Variants in PEBP4 observed in about 807,000 individuals in gnomAD.
PEBP4 encodes the protein phosphatidylethanolamine binding protein 4, also known as phosphatidylethanolamine-binding protein 4.
PEBP4 carries 22 observed loss-of-function variants against 23.9 expected under a neutral mutation model. The observed-to-expected ratio is 0.92, with a 90% confidence interval of 0.66 to 1.31. PEBP4 has a LOEUF of 1.31. Ranked by LOEUF, PEBP4 falls within the 40% of genes most tolerant of loss-of-function variation. PEBP4 has a pLI of 0.00. For missense variants in PEBP4, 324 were observed against 281.7 expected (o/e 1.15, Z -1.07); for synonymous variants, 112 against 99.3 (o/e 1.13, Z -0.76).
At chr8:22,867,277 G>T (rs1807923973) in intron 3 of PEBP4, among the ~76,000 whole-genome samples, 1 of 152,232 alleles carries the variant, frequency 6.6e-6, no homozygotes. Flanking sequence ...ATTTGGGTCA[G>T]AAGGTGCCAA....
chr8:22,733,136 G>T (rs796605189), intron 4 of PEBP4, among the ~76,000 whole-genome samples: 14 of 152,316 alleles, frequency 9.2e-5, no homozygotes, highest in African/African-American at 3.4e-4. Context: ...CCCATTCAGA[G>T]GAAGGGCAGA....
At chr8:22,936,374 T>TTC (rs1809540923) in intron 1 of PEBP4, among the ~76,000 whole-genome samples, 1 of 151,904 alleles carries the variant, frequency 6.6e-6, no homozygotes, top group Non-Finnish European at 1.5e-5. Context: ...GACAAATTCC[T>TTC]GGAAACATAA....
At chr8:22,925,441 G>A (rs1809306243) in intron 2 of PEBP4, 5 of 571,318 alleles carry the variant, frequency 8.8e-6, no homozygotes, top group Non-Finnish European at 1.1e-5. Flanking sequence ...TAAACACTGT[G>A]GGCAGATTTC....
At chr8:22,832,721 T>A (rs1250595596) in intron 3 of PEBP4, among the ~76,000 whole-genome samples, 2 of 152,196 alleles carry the variant, frequency 1.3e-5, no homozygotes, top group Non-Finnish European at 2.9e-5. Flanking sequence ...CTAGAAGCAC[T>A]GGCAAGGTGG....
chr8:22,838,002 A>C (rs1286277683), intron 3 of PEBP4, among the ~76,000 whole-genome samples: 2 of 148,100 alleles, frequency 1.4e-5, no homozygotes, highest in Non-Finnish European at 3.0e-5. Context: ...GGGCTCAAGC[A>C]ATCTTCCAAC....
At chr8:22,737,910 G>A (rs981170828) in intron 4 of PEBP4, among the ~76,000 whole-genome samples, 2 of 152,114 alleles carry the variant, frequency 1.3e-5, no homozygotes, top group African/African-American at 4.8e-5. Flanking sequence ...CTGAGCTCCC[G>A]GCGGGACCCT....
At chr8:22,757,782 A>G (rs1805421089) in intron 4 of PEBP4, 1 of 152,200 alleles carries the variant, frequency 6.6e-6, no homozygotes, top group Non-Finnish European at 1.5e-5. Flanking sequence ...GAAATCCGAG[A>G]TGCATATAAA....
intron 2 of PEBP4, chr8:22,925,145 C>T (rs1207116148): frequency 1.0e-6 from 1 of 985,266 alleles, no homozygotes; most frequent in Non-Finnish European, 1.2e-6. Context: ...ATGATGCTCT[C>T]TTCCAAACAA....
At chr8:22,875,522 A>C (rs980792273) in intron 3 of PEBP4, among the ~76,000 whole-genome samples, 9 of 151,072 alleles carry the variant, frequency 6.0e-5, no homozygotes, top group Non-Finnish European at 1.2e-4. Context: ...TCTGAGCCCC[A>C]CTCCTTTTTA....
rs1206085493 is a variant in PEBP4 at position 22,795,143 on chromosome 8, GTA to G, written c.357+22492_357+22493del. The stretch of plus-strand genomic sequence containing the variant: ...TATGTGTGTATATATATGTGTGTGT[GTA>G]TATATATATATATATATATTTTTTT... On this transcript the variant is annotated intron_variant, in intron 4 of 6. Coordinates refer to ENST00000256404, the MANE Select transcript of PEBP4 (RefSeq NM_144962.3). 8.3e-3 allele frequency among the ~76,000 whole-genome samples: 412 copies of G among 49,910 alleles called. 2 individuals are homozygous for G. Among genetic ancestry groups the G allele is most frequent in the Middle Eastern group, 0.021 (2 of 96 alleles). 32.7% of individuals were successfully genotyped at this position (49,910 alleles called of 152,430 possible).
At chr8:22,803,709 G>A (rs1005020980) in intron 4 of PEBP4, among the ~76,000 whole-genome samples, 7 of 152,248 alleles carry the variant, frequency 4.6e-5, no homozygotes, top group African/African-American at 1.7e-4. Flanking sequence ...GCATCTCTGA[G>A]TGAACATGTC....
chr8:22,919,920 A>AGAGCAGGG (rs1809163192), intron 3 of PEBP4, among the ~76,000 whole-genome samples: 1 of 152,216 alleles, frequency 6.6e-6, no homozygotes. Flanking sequence ...AGGAGCTCCC[A>AGAGCAGGG]GAGCAGGGGA....
intron 3 of PEBP4, among the ~76,000 whole-genome samples, chr8:22,902,782 A>G (rs1808736853): frequency 6.6e-6 from 1 of 152,226 alleles, no homozygotes; most frequent in Admixed American, 6.5e-5. Flanking sequence ...GCTACAAAAA[A>G]GATCAAGGGA....
At chr8:22,894,430 A>T (rs1380947882) in intron 3 of PEBP4, among the ~76,000 whole-genome samples, 2 of 151,984 alleles carry the variant, frequency 1.3e-5, no homozygotes, top group Non-Finnish European at 2.9e-5. Context: ...AATAAATAAA[A>T]AAAATTCCAA....
At chr8:22,715,932 TG>T (rs1387954674) in intron 6 of PEBP4, among the ~76,000 whole-genome samples, 1 of 152,136 alleles carries the variant, frequency 6.6e-6, no homozygotes, top group Admixed American at 6.5e-5. Flanking sequence ...AGCCCCTTCC[TG>T]TATGGCACTG....
rs1452590575 is a variant in PEBP4, at chr8:22,841,325, G to T, written c.259-23590C>A. Reference sequence around the variant, plus strand: ...AATCATTCCTACTTCATCTGTCAGAGTTCTTTAGGGGGTAAATAACTTAGT... The same window carrying T: ...AATCATTCCTACTTCATCTGTCAGATTTCTTTAGGGGGTAAATAACTTAGT... On this transcript the variant is annotated intron_variant, in intron 3 of 6. Coordinates refer to ENST00000256404, the MANE Select transcript of PEBP4 (RefSeq NM_144962.3). 2.0e-5 allele frequency among the ~76,000 whole-genome samples: 3 copies of T among 152,388 alleles called. No individual in the cohort carries two copies. In the East Asian group the frequency reaches 5.8e-4, roughly 29 times the overall value.
intron 3 of PEBP4, among the ~76,000 whole-genome samples, chr8:22,903,708 G>A (rs559017396): frequency 3.9e-5 from 6 of 152,302 alleles, no homozygotes; most frequent in East Asian, 1.9e-4. Context: ...AAATCAACCC[G>A]TTCTCTACAC....
At chr8:22,931,315 C>T (rs1269513955), upstream of PEBP4, among the ~76,000 whole-genome samples, 2 of 152,100 alleles carry the variant, frequency 1.3e-5, no homozygotes, top group African/African-American at 2.4e-5. Flanking sequence ...CAAGCTTGTG[C>T]AACCATCACT....
intron 3 of PEBP4, among the ~76,000 whole-genome samples, chr8:22,898,437 C>G (rs5019306): frequency 0.21 from 28,519 of 136,562 alleles, 3,978 homozygotes; most frequent in Middle Eastern, 0.3. Context: ...AAAAACCCAC[C>G]CAGTCTATGG....
Sources: gnomAD v4.1 joint callset for allele counts (sites outside exome capture counted in the v4.1 genomes callset) on GRCh38, gnomAD v4.1.1 for gene constraint, MANE v1.5 for transcripts, NCBI Gene and HGNC (gene_info 2026-07-23, HGNC 2026-07-21) for gene names.